Variants in DST observed in about 807,000 individuals in gnomAD.
DST encodes bullous pemphigoid antigen.
In DST, 253 loss-of-function variants were observed where a neutral mutation model predicts 875.2. That is an observed-to-expected ratio of 0.29 (90% CI 0.26 to 0.32). The LOEUF (loss-of-function observed/expected upper bound fraction) is 0.32, where lower values mean the gene tolerates loss of function less well. Among genes scored for constraint, DST ranks in the 10% least tolerant of loss-of-function variants. The pLI is 1.00. For synonymous variants in DST, 3,124 were observed against 3,197.1 expected, an observed-to-expected ratio of 0.98 and a Z score of 0.77; for missense variants, 8,287 against 9,111.6, an observed-to-expected ratio of 0.91 and a Z score of 3.68.
intron 5 of DST, among the ~76,000 whole-genome samples, chr6:56,726,228 T>TA (rs1266638269): frequency 2.0e-5 from 3 of 152,194 alleles, no homozygotes; most frequent in Non-Finnish European, 4.4e-5. Context: ...AGTGGCCTTC[T>TA]ACCTCTCTGA....
Position 56,600,102 on chromosome 6 carries a change from T to G in DST, c.11661A>C (p.Thr3887=). The change falls in exon 45 of 104, where the codon ACA becomes ACC. Residue 3887 remains threonine, a synonymous_variant. Coordinates refer to ENST00000680361, the MANE Select transcript of DST (RefSeq NM_001374736.1). ...TGGACTGATATTTCTTTAACTCAAC[T>G]GTGCCATCTCCAATCATGAAGGCTT... ...HQEAFMIGDG[T]VELKKYQSKQ... is the part of the protein sequence containing the mutation. The G allele has an allele frequency of 6.2e-7, 1 of 1,612,898 alleles. No individual in the cohort carries two copies. The highest frequency in any genetic ancestry group is 8.5e-7 in the Non-Finnish European group (1 of 1,179,186).
chr6:56,525,938 C>T (rs149127064), intron 69 of DST, among the ~76,000 whole-genome samples: 10 of 152,280 alleles, frequency 6.6e-5, no homozygotes, highest in African/African-American at 2.4e-4. Context: ...AAAAAGAAAA[C>T]ATTCTCTTTG....
chr6:56,520,261 C>CA (rs1216920674), intron 69 of DST, among the ~76,000 whole-genome samples: 1 of 152,002 alleles, frequency 6.6e-6, no homozygotes, highest in Non-Finnish European at 1.5e-5. Context: ...TGTGGAACTA[C>CA]AACAAAAGTC....
At chr6:56,840,097 A>G (rs886231193) in intron 4 of DST, among the ~76,000 whole-genome samples, 1 of 152,246 alleles carries the variant, frequency 6.6e-6, no homozygotes, top group African/African-American at 2.4e-5. Context: ...AATGAAATGT[A>G]TTGAATTCAC....
At chr6:56,939,876 A>G (rs1440692773) in intron 2 of DST, among the ~76,000 whole-genome samples, 1 of 152,030 alleles carries the variant, frequency 6.6e-6, no homozygotes, top group African/African-American at 2.4e-5. Context: ...ACTACAAAAA[A>G]TTAGCCAGGT....
chr6:56,573,570 T>A lies in DST; in HGVS notation c.13236+109A>T, dbSNP rs1247220338. On this transcript the variant is annotated intron_variant, in intron 51 of 103. Transcript: ENST00000680361. ...ACTTTCCACACTCATATTCAGTAAA[T>A]GTCTCTTTTTTGTGTCCTTAAGTTT... 5.1e-6 allele frequency: 4 copies of A among 777,094 alleles called. No homozygotes were observed. In the East Asian group the frequency reaches 1.0e-4, roughly 20 times the overall value. The allele number at this position is 777,094 out of a possible 1,614,324, so 48.1% of individuals were successfully genotyped here.
chr6:56,544,739 T>A (rs1367309685), intron 61 of DST, among the ~76,000 whole-genome samples: 1 of 152,230 alleles, frequency 6.6e-6, no homozygotes, highest in Non-Finnish European at 1.5e-5. Flanking sequence ...TAAATTCCTT[T>A]TTTATTGAAC....
At chr6:56,501,307 C>A in intron 79 of DST, 72 bp from the exon 80 acceptor site, 1 of 1,441,210 alleles carries the variant, frequency 6.9e-7, no homozygotes, top group Non-Finnish European at 9.3e-7. Flanking sequence ...AAAACAAGGA[C>A]AAAAATAATT....
chr6:56,619,862 G>T, intron 36 of DST: 1 of 1,614,018 alleles, frequency 6.2e-7, no homozygotes, highest in Non-Finnish European at 8.5e-7. Context: ...AAGCTGGAGG[G>T]CATTAAGTTC....
intron 2 of DST, among the ~76,000 whole-genome samples, chr6:56,916,731 A>T (rs1801117911): frequency 6.9e-6 from 1 of 144,964 alleles, no homozygotes; most frequent in African/African-American, 2.7e-5. Flanking sequence ...CAGCCCTGAG[A>T]CAAGATCTTC....
rs1355130518 is a variant in DST, at chr6:56,562,189, A to C, written c.14017T>G (p.Leu4673Val). Residue 4673 changes from leucine (L) to valine (V), a missense_variant, in exon 56 of 104, where the codon TTA becomes GTA. This residue lies in a region of DST where 1,513 missense variants were observed against 1,677.8 expected (regional missense o/e 0.90). Transcript: ENST00000680361. ...TTTGTGGCTGTTCCTTCACCATTTA[A>C]TACTGCTCCACCTGCAAAAATAGTA... ...IAAVKSGGAV[L>V]NGEGTATNTE... 2 of 1,548,212 alleles carry C rather than the reference A, an allele frequency of 1.3e-6. No homozygotes were observed. The highest frequency in any genetic ancestry group is 3.9e-5 in the Admixed American group (2 of 51,580).
intron 4 of DST, among the ~76,000 whole-genome samples, chr6:56,820,630 C>T (rs116821775): frequency 2.5e-4 from 38 of 151,996 alleles, no homozygotes; most frequent in African/African-American, 6.5e-4. Flanking sequence ...CTTGGTCACC[C>T]GAAATCAGCC....
chr6:56,605,320 A>AG lies in DST; in HGVS notation c.9307dup (p.Leu3103ProfsTer2). On this transcript the variant is annotated frameshift_variant, in exon 40 of 104. Transcript: ENST00000680361. LOFTEE classifies it high-confidence loss of function. The stretch of plus-strand genomic sequence containing the variant: ...TTTTTTAAGGCTTCCTTTCTGATTA[A>AG]GTTCTTCATTGTTTGTGATTTGTGG... 1 of 1,612,250 alleles carries AG rather than the reference A, an allele frequency of 6.2e-7. No homozygotes were observed. The highest frequency in any genetic ancestry group is 1.1e-5 in the South Asian group (1 of 90,972).
intron 4 of DST, among the ~76,000 whole-genome samples, chr6:56,777,174 G>A (rs986258439): frequency 6.6e-6 from 1 of 152,014 alleles, no homozygotes; most frequent in African/African-American, 2.4e-5. Flanking sequence ...TTTATCTAAG[G>A]AAGTACAAGA....
intron 4 of DST, among the ~76,000 whole-genome samples, chr6:56,782,031 A>G (rs1192717013): frequency 6.6e-6 from 1 of 151,972 alleles, no homozygotes; most frequent in Non-Finnish European, 1.5e-5. Flanking sequence ...ACATTTATTG[A>G]TTTGCGTATA....
Position 56,632,840 on chromosome 6 carries a change from T to A in DST, c.3805+14A>T. The A allele has an allele frequency of 6.2e-7, 1 of 1,611,498 alleles. No homozygotes were observed. The highest frequency in any genetic ancestry group is 8.5e-7 in the Non-Finnish European group (1 of 1,178,242). On this transcript the variant is annotated intron_variant, in intron 28 of 103. Coordinates refer to ENST00000680361, the MANE Select transcript of DST (RefSeq NM_001374736.1). ...ACCTATGGGGAAAAAAAGACAGGGA[T>A]CCCCATGCTTTACCTCTTTCTGCAG... is the stretch of plus-strand genomic sequence containing the variant.
intron 58 of DST, 103 bp downstream of exon 58, chr6:56,560,191 C>T: frequency 8.5e-7 from 1 of 1,172,640 alleles, no homozygotes; most frequent in Non-Finnish European, 1.1e-6. Flanking sequence ...AAAGCAAATC[C>T]AAAAATAAGT....
chr6:56,510,036 G>A (rs1488274860), intron 73 of DST, among the ~76,000 whole-genome samples, 163 bp from the exon 74 acceptor site: 1 of 152,162 alleles, frequency 6.6e-6, no homozygotes, highest in Non-Finnish European at 1.5e-5. Flanking sequence ...CCTGGTGTGT[G>A]AAGACATGCC....
intron 55 of DST, among the ~76,000 whole-genome samples, chr6:56,564,925 G>C (rs879229695): frequency 6.6e-6 from 1 of 152,004 alleles, no homozygotes; most frequent in East Asian, 1.9e-4. Context: ...CGATTTTATC[G>C]TGGTGGATAA....
Sources: allele counts gnomAD v4.1 joint callset (sites outside exome capture counted in the v4.1 genomes callset), GRCh38; gene constraint gnomAD v4.1.1; regional missense constraint gnomAD v4.1.1; transcripts MANE v1.5; gene names NCBI Gene and HGNC (gene_info 2026-07-23, HGNC 2026-07-21).